Variants in RANBP2 observed in about 807,000 individuals in gnomAD.
The protein encoded by RANBP2 is E3 SUMO-protein ligase RanBP2.
Under a neutral mutation model 303.6 loss-of-function variants are expected in RANBP2, and 57 were observed. The ratio of observed to expected loss-of-function variants is 0.19; its 90% CI spans 0.15 to 0.23. The LOEUF is 0.23. Among genes scored for constraint, RANBP2 ranks in the 10% least tolerant of loss-of-function variants. The pLI is 1.00. For synonymous variants in RANBP2, 1,167 were observed against 1,301.5 expected, an observed-to-expected ratio of 0.90 and a Z score of 2.23; for missense variants, 3,138 against 3,780.8, an observed-to-expected ratio of 0.83 and a Z score of 4.46.
At chr2:109,596,919 G>T in the RANBP2 span, among the ~76,000 whole-genome samples, 25 of 152,234 alleles carry the variant, frequency 1.6e-4, no homozygotes, top group Middle Eastern at 3.4e-3. Flanking sequence ...TACTGGAAAA[G>T]ATTTTCTTAA....
the RANBP2 span, among the ~76,000 whole-genome samples, chr2:109,538,789 A>G: frequency 6.6e-6 from 1 of 152,304 alleles, no homozygotes; most frequent in African/African-American, 2.4e-5. Context: ...AAAGTGCTGG[A>G]ATTACAGGCA....
chr2:109,697,866 T>G, the RANBP2 span, among the ~76,000 whole-genome samples: 3 of 150,462 alleles, frequency 2.0e-5, no homozygotes, highest in East Asian at 3.9e-4. Context: ...AAGTTTTTTT[T>G]TTTTTTTTTT....
the RANBP2 span, among the ~76,000 whole-genome samples, chr2:109,499,180 A>G: frequency 6.6e-6 from 1 of 152,176 alleles, no homozygotes; most frequent in Non-Finnish European, 1.5e-5. Flanking sequence ...GGAGGCCACC[A>G]GGGAAGGCAT....
rs140653325 is a variant in RANBP2, at chr2:108,765,837, G to A, written c.5298G>A (p.Glu1766=). 1.2e-6 allele frequency: 2 copies of A among 1,614,180 alleles called. No individual in the cohort carries two copies. Among genetic ancestry groups the A allele is most frequent in the East Asian group, 4.5e-5 (2 of 44,890 alleles). ...CAATTTCAACACCTGCCTCTTCGGA[G>A]ATAAGCAAGGCTCCAAAGAGTGGAT... The part of the protein sequence containing the change: ...TTAISTPASS[E]ISKAPKSGFE... The change falls in exon 20 of 29, where the codon GAG becomes GAA. Residue 1766 remains glutamate (E), a synonymous_variant. Transcript: ENST00000283195.
chr2:109,731,288 TA>T, the RANBP2 span, among the ~76,000 whole-genome samples: 1 of 152,204 alleles, frequency 6.6e-6, no homozygotes, highest in African/African-American at 2.4e-5. Context: ...GTTGGTCCAA[TA>T]GTAGGAGAAT....
At chr2:109,495,838 G>A in the RANBP2 span, among the ~76,000 whole-genome samples, 1 of 152,104 alleles carries the variant, frequency 6.6e-6, no homozygotes, top group African/African-American at 2.4e-5. Flanking sequence ...ATAAAATGGG[G>A]ATAATAATAC....
the RANBP2 span, among the ~76,000 whole-genome samples, chr2:109,461,036 C>T: frequency 2.6e-5 from 4 of 152,218 alleles, no homozygotes; most frequent in African/African-American, 9.7e-5. Flanking sequence ...CAGGAGGCCA[C>T]AGGTGCAGGC....
At chr2:108,927,423 C>T in the RANBP2 span, among the ~76,000 whole-genome samples, 1 of 152,182 alleles carries the variant, frequency 6.6e-6, no homozygotes, top group Non-Finnish European at 1.5e-5. Flanking sequence ...AGCTCACCAC[C>T]CTTCCAGTGT....
the RANBP2 span, among the ~76,000 whole-genome samples, chr2:109,190,728 C>T: frequency 6.6e-6 from 1 of 152,078 alleles, no homozygotes; most frequent in Non-Finnish European, 1.5e-5. Context: ...TGTTGGGTGT[C>T]TCCCTTCTTT....
chr2:109,144,838 G>A, the RANBP2 span, among the ~76,000 whole-genome samples: 3 of 152,230 alleles, frequency 2.0e-5, no homozygotes, highest in Non-Finnish European at 4.4e-5. Context: ...CCAAGAGACG[G>A]GCAGGGGGCG....
At chr2:109,006,760 G>A in the RANBP2 span, among the ~76,000 whole-genome samples, 1 of 152,172 alleles carries the variant, frequency 6.6e-6, no homozygotes, top group Non-Finnish European at 1.5e-5. Flanking sequence ...GTATTTTCTA[G>A]CGCATCCCAG....
the RANBP2 span, among the ~76,000 whole-genome samples, chr2:109,664,827 G>A: frequency 3.6e-3 from 542 of 151,872 alleles, 2 homozygotes; most frequent in South Asian, 0.019. Flanking sequence ...CTACTTGGGA[G>A]GCTGAGGCAG....
At chr2:108,719,791 C>CGCCG in intron 1 of RANBP2, 113 bp downstream of exon 1, 3 of 1,503,230 alleles carry the variant, frequency 2.0e-6, no homozygotes, top group Middle Eastern at 2.4e-4. Flanking sequence ...TCTGTTGAGG[C>CGCCG]GCCGGCCGGC....
At chr2:109,475,575 C>T in the RANBP2 span, among the ~76,000 whole-genome samples, 12 of 152,354 alleles carry the variant, frequency 7.9e-5, no homozygotes, top group Non-Finnish European at 1.2e-4. Flanking sequence ...GACACCTGCC[C>T]TGTAGCCAGG....
the RANBP2 span, among the ~76,000 whole-genome samples, chr2:109,380,204 C>T: frequency 2.0e-5 from 3 of 152,120 alleles, no homozygotes; most frequent in Admixed American, 1.3e-4. Context: ...GGTACCGGCT[C>T]GCCCTGATTT....
chr2:108,910,646 C>G, the RANBP2 span: 1 of 1,406,882 alleles, frequency 7.1e-7, no homozygotes, highest in Non-Finnish European at 1.0e-6. Flanking sequence ...CTGTGTGGCA[C>G]CACCCCACGG....
the RANBP2 span, among the ~76,000 whole-genome samples, chr2:109,290,013 A>T: frequency 1.3e-5 from 2 of 152,336 alleles, no homozygotes; most frequent in South Asian, 4.1e-4. Flanking sequence ...CCTTGTTAAA[A>T]TGCAGATTCC....
chr2:108,945,186 C>A, the RANBP2 span, among the ~76,000 whole-genome samples: 1 of 152,146 alleles, frequency 6.6e-6, no homozygotes, highest in South Asian at 2.1e-4. Flanking sequence ...CAGCCAAGCC[C>A]AGCTTGGGTG....
chr2:109,193,849 G>A, the RANBP2 span, among the ~76,000 whole-genome samples: 3 of 152,180 alleles, frequency 2.0e-5, no homozygotes, highest in African/African-American at 7.2e-5. Context: ...GTCTCGTCTA[G>A]CCCCGGGGAT....
Sources: allele counts gnomAD v4.1 joint callset (sites outside exome capture counted in the v4.1 genomes callset), GRCh38; gene constraint gnomAD v4.1.1; transcripts MANE v1.5; gene names NCBI Gene and HGNC (gene_info 2026-07-23, HGNC 2026-07-21).